IL10RB: variants seen among roughly 807,000 people sequenced by gnomAD.
The protein encoded by IL10RB is interleukin 10 receptor subunit beta.
IL10RB carries 30 observed loss-of-function variants against 38.7 expected under a neutral mutation model. That is an observed-to-expected ratio of 0.78 (90% CI 0.58 to 1.05). The LOEUF (loss-of-function observed/expected upper bound fraction) is 1.05. Ranked by LOEUF, IL10RB falls within the 50% of genes least tolerant of loss-of-function variation. The pLI is 0.00. For missense variants in IL10RB, 328 were observed against 397.1 expected (o/e 0.83, Z 1.48); for synonymous variants, 142 against 145.9 (o/e 0.97, Z 0.19).
Position 33,278,199 on chromosome 21 carries a change from G to A in IL10RB, c.331+1446G>A, listed in dbSNP as rs1337047714. Among the ~76,000 whole-genome samples, 3 of 152,006 alleles carry A rather than the reference G, an allele frequency of 2.0e-5. No individual in the cohort carries two copies. The East Asian group carries it at 5.8e-4, about 29-fold the overall frequency. ...ACCACTGCACTCCAGCAGCCTGGGT[G>A]ACCAGAGTGAAGTCTTATCTCAAAA... On this transcript the variant is annotated intron_variant, in intron 3 of 6. Coordinates refer to ENST00000290200, the MANE Select transcript of IL10RB (RefSeq NM_000628.5).
intron 6 of IL10RB, chr21:33,294,005 C>A: frequency 2.1e-6 from 1 of 471,092 alleles, no homozygotes; most frequent in South Asian, 1.5e-5. Flanking sequence ...TCTGGCTTCA[C>A]CATCAGAGAA....
intron 5 of IL10RB, among the ~76,000 whole-genome samples, chr21:33,287,418 C>G (rs1979115357): frequency 6.6e-6 from 1 of 151,948 alleles, no homozygotes; most frequent in Non-Finnish European, 1.5e-5. Flanking sequence ...TGCAGTGGTA[C>G]AATCATAGCT....
intron 2 of IL10RB, among the ~76,000 whole-genome samples, chr21:33,274,717 A>G (rs1255498800): frequency 6.6e-6 from 1 of 152,210 alleles, no homozygotes; most frequent in East Asian, 1.9e-4. Flanking sequence ...CATGCTGTAA[A>G]CAGATGTGCC....
intron 4 of IL10RB, among the ~76,000 whole-genome samples, 158 bp from the exon 5 acceptor site, chr21:33,282,934 CCT>C (rs1989305959): frequency 1.3e-5 from 2 of 152,130 alleles, no homozygotes; most frequent in Admixed American, 6.5e-5. Flanking sequence ...TGATGCACCC[CCT>C]GAGTGGCCTC....
chr21:33,280,766 CTTAA>C (rs1427619600), intron 4 of IL10RB, among the ~76,000 whole-genome samples: 1 of 152,136 alleles, frequency 6.6e-6, no homozygotes, highest in Non-Finnish European at 1.5e-5. Context: ...GATTTTACCA[CTTAA>C]TTCTCAAAGT....
intron 1 of IL10RB, chr21:33,308,747 C>CAGCACCACATGAA (rs1336169322): frequency 1.3e-5 from 2 of 152,208 alleles, no homozygotes; most frequent in Non-Finnish European, 2.9e-5. Context: ...CCAGCAGCAT[C>CAGCACCACATGAA]AGCACCACAT....
At chr21:33,301,655 C>T (rs889672611), downstream of IL10RB, among the ~76,000 whole-genome samples, 15 of 152,324 alleles carry the variant, frequency 9.8e-5, no homozygotes, top group East Asian at 1.9e-4. Flanking sequence ...GGGGTGGGAG[C>T]GATAGCCAAC....
intron 2 of IL10RB, among the ~76,000 whole-genome samples, chr21:33,272,282 C>T (rs1989096320): frequency 6.6e-6 from 1 of 152,190 alleles, no homozygotes; most frequent in Admixed American, 6.5e-5. Flanking sequence ...CTCTCCACGC[C>T]TGACCCCTGT....
chr21:33,294,246 T>A (rs1052939531), intron 6 of IL10RB: 2 of 330,376 alleles, frequency 6.1e-6, no homozygotes, highest in South Asian at 2.4e-5. Flanking sequence ...AATGATAGAA[T>A]CCATTAACCA....
intron 5 of IL10RB, among the ~76,000 whole-genome samples, chr21:33,284,615 C>T (rs117795142): frequency 6.6e-6 from 1 of 152,252 alleles, no homozygotes; most frequent in East Asian, 1.9e-4. Context: ...CTGGAGGTGG[C>T]GCCTGGTGGG....
chr21:33,305,030 G>A (rs947181318), intron 1 of IL10RB, among the ~76,000 whole-genome samples: 15 of 152,184 alleles, frequency 9.9e-5, no homozygotes, highest in African/African-American at 3.4e-4. Context: ...AAAAGGTAAA[G>A]AGCCTATTCT....
At chr21:33,302,288 A>G (rs1458710360) in intron 1 of IL10RB, among the ~76,000 whole-genome samples, 1 of 152,284 alleles carries the variant, frequency 6.6e-6, no homozygotes, top group Non-Finnish European at 1.5e-5. Flanking sequence ...CCAATCAGGC[A>G]TAAGTCACGC....
chr21:33,285,690 G>A (rs1484821324), intron 5 of IL10RB, among the ~76,000 whole-genome samples: 1 of 152,214 alleles, frequency 6.6e-6, no homozygotes, highest in Non-Finnish European at 1.5e-5. Flanking sequence ...TAAAATAACA[G>A]GGCGGGGCCC....
intron 1 of IL10RB, among the ~76,000 whole-genome samples, chr21:33,305,024 G>T (rs913052701): frequency 1.3e-5 from 2 of 152,118 alleles, no homozygotes; most frequent in African/African-American, 4.8e-5. Context: ...GTCCAAAAAA[G>T]GTAAAGAGCC....
intron 2 of IL10RB, among the ~76,000 whole-genome samples, chr21:33,270,615 C>T (rs1451238687): frequency 6.6e-6 from 1 of 151,806 alleles, no homozygotes; most frequent in Non-Finnish European, 1.5e-5. Context: ...ACCTCGTGAT[C>T]CACCCGCCTT....
chr21:33,291,191 A>G lies in IL10RB; in HGVS notation c.804+2930A>G, dbSNP rs8178540. Among the ~76,000 whole-genome samples, 1,416 of 152,032 alleles carry G rather than the reference A, an allele frequency of 9.3e-3. 25 individuals carry two copies. The highest frequency in any genetic ancestry group is 0.032 in the African/African-American group (1,333 of 41,446). On this transcript the variant is annotated intron_variant, in intron 6 of 6. Transcript: ENST00000290200. Reference sequence around the variant, plus strand: ...CCTGCTCCACTATACCCTCATTCTAACTTAACTGATCCCCTCTGCAGCAAC... The same window carrying G: ...CCTGCTCCACTATACCCTCATTCTAGCTTAACTGATCCCCTCTGCAGCAAC...
chr21:33,302,800 T>C (rs2082989255), intron 1 of IL10RB, among the ~76,000 whole-genome samples: 2 of 152,216 alleles, frequency 1.3e-5, no homozygotes, highest in African/African-American at 2.4e-5. Flanking sequence ...CATGGTATAC[T>C]GTCGCCTGAG....
chr21:33,295,604 A>G (rs1006274445), intron 6 of IL10RB, among the ~76,000 whole-genome samples: 10 of 150,548 alleles, frequency 6.6e-5, no homozygotes, highest in South Asian at 2.1e-4. Context: ...CCTGGGAGGC[A>G]AAGGTTGCAG....
chr21:33,292,336 T>C lies in IL10RB; in HGVS notation c.805-3848T>C, dbSNP rs77868677. ...GCTGAAGTGCAGCAGCGGGCCACTT[T>C]CGGTGTGTGCCCACATACCATGCTA... On this transcript the variant is annotated intron_variant, in intron 6 of 6. Transcript: ENST00000290200. 1.7e-3 allele frequency among the ~76,000 whole-genome samples: 258 copies of C among 152,316 alleles called. 1 individual carries two copies. The East Asian group carries it at 0.018, about 11-fold the overall frequency.
Sources: allele counts gnomAD v4.1 joint callset (sites outside exome capture counted in the v4.1 genomes callset), GRCh38; gene constraint gnomAD v4.1.1; transcripts MANE v1.5; gene names NCBI Gene and HGNC (gene_info 2026-07-23, HGNC 2026-07-21).